The following NDST4 variants were observed in gnomAD, a reference collection of about 807,000 sequenced individuals.
NDST4 encodes the protein N-deacetylase and N-sulfotransferase 4.
NDST4 carries 63 observed loss-of-function variants against 100.8 expected under a neutral mutation model. The ratio of observed to expected loss-of-function variants is 0.62; its 90% CI spans 0.51 to 0.77. The LOEUF (loss-of-function observed/expected upper bound fraction) is 0.77, where lower values mean the gene tolerates loss of function less well. NDST4 is among the 30% of genes least tolerant of loss of function. The probability of loss-of-function intolerance (pLI) is 0.00; values close to 1 mark genes in which losing one functional copy is unlikely to be tolerated. For synonymous variants in NDST4, 377 were observed against 361.8 expected, an observed-to-expected ratio of 1.04 and a Z score of -0.48; for missense variants, 943 against 1,018.4, an observed-to-expected ratio of 0.93 and a Z score of 1.01.
intron 2 of NDST4, among the ~76,000 whole-genome samples, chr4:115,063,644 A>C (rs1038085600): frequency 5.3e-5 from 8 of 151,506 alleles, no homozygotes; most frequent in African/African-American, 2.0e-4. Context: ...AATCTGAGCC[A>C]ATTAATTGTC....
intron 2 of NDST4, among the ~76,000 whole-genome samples, chr4:115,000,259 A>ATTT (rs1472224223): frequency 1.6e-4 from 24 of 151,794 alleles, no homozygotes; most frequent in Admixed American, 5.3e-4. Flanking sequence ...GGTAAAGTTA[A>ATTT]ATGACATAAA....
At chr4:115,063,566 T>A (rs746582932) in intron 2 of NDST4, among the ~76,000 whole-genome samples, 11 of 151,788 alleles carry the variant, frequency 7.2e-5, no homozygotes, top group Non-Finnish European at 1.6e-4. Flanking sequence ...ATATGAAACC[T>A]TTTTGTGGTA....
intron 6 of NDST4, among the ~76,000 whole-genome samples, chr4:114,878,578 T>A (rs6838296): frequency 0.086 from 13,046 of 152,172 alleles, 1,638 homozygotes; most frequent in African/African-American, 0.27. Context: ...ACATGAAATT[T>A]GAAATTAGAA....
intron 6 of NDST4, among the ~76,000 whole-genome samples, chr4:114,899,660 T>C (rs959370066): frequency 6.6e-6 from 1 of 152,210 alleles, no homozygotes; most frequent in Non-Finnish European, 1.5e-5. Flanking sequence ...TTTCCAATGA[T>C]GAGCCAGCAT....
chr4:115,069,314 G>A (rs1297053384), intron 2 of NDST4, among the ~76,000 whole-genome samples: 1 of 152,114 alleles, frequency 6.6e-6, no homozygotes, highest in African/African-American at 2.4e-5. Context: ...ACTTGAGCTG[G>A]CTCACAAAGA....
chr4:115,033,171 T>TG (rs1728159545), intron 2 of NDST4, among the ~76,000 whole-genome samples: 1 of 138,014 alleles, frequency 7.2e-6, no homozygotes. Context: ...TTTTTTTTTT[T>TG]GAAACAGGGT....
chr4:115,023,541 A>G (rs533617857), intron 2 of NDST4, among the ~76,000 whole-genome samples: 2 of 152,094 alleles, frequency 1.3e-5, no homozygotes, highest in South Asian at 2.1e-4. Context: ...CTGTTCCCCA[A>G]TAACCTATGG....
intron 3 of NDST4, among the ~76,000 whole-genome samples, chr4:114,972,935 A>T (rs1300834979): frequency 6.6e-6 from 1 of 152,066 alleles, no homozygotes; most frequent in Non-Finnish European, 1.5e-5. Flanking sequence ...ATTTATAAAC[A>T]CCCTCAAAAA....
chr4:115,052,437 C>A (rs1409979626), intron 2 of NDST4, among the ~76,000 whole-genome samples: 3 of 152,102 alleles, frequency 2.0e-5, no homozygotes, highest in Non-Finnish European at 4.4e-5. Context: ...TGTGCTGCCA[C>A]CCAAATCTTA....
chr4:114,972,994 A>T (rs1726548356), intron 3 of NDST4, among the ~76,000 whole-genome samples: 3 of 152,000 alleles, frequency 2.0e-5, no homozygotes, highest in Admixed American at 2.0e-4. Context: ...TCATGGATTA[A>T]TTTTTGTCAG....
chr4:114,973,235 G>T (rs1726553980), intron 3 of NDST4, among the ~76,000 whole-genome samples: 1 of 151,886 alleles, frequency 6.6e-6, no homozygotes. Flanking sequence ...AATATCATTT[G>T]CAGTTTATAT....
intron 2 of NDST4, among the ~76,000 whole-genome samples, chr4:114,978,079 C>A (rs1726678109): frequency 6.6e-6 from 1 of 151,910 alleles, no homozygotes; most frequent in African/African-American, 2.4e-5. Context: ...CCCTTATATC[C>A]TTGGGCTTTT....
chr4:114,921,996 A>G (rs1289571342), intron 6 of NDST4, among the ~76,000 whole-genome samples: 1 of 147,960 alleles, frequency 6.8e-6, no homozygotes, highest in East Asian at 2.1e-4. Flanking sequence ...TGAAAGTGTT[A>G]CAGTCGGTAG....
intron 3 of NDST4, among the ~76,000 whole-genome samples, chr4:114,976,385 T>G (rs62315291): frequency 1.3e-5 from 2 of 151,966 alleles, no homozygotes; most frequent in Non-Finnish European, 2.9e-5. Flanking sequence ...AACACATAGT[T>G]TAGTACTCTT....
At chr4:114,875,031 A>T (rs1724228913) in intron 6 of NDST4, among the ~76,000 whole-genome samples, 1 of 152,176 alleles carries the variant, frequency 6.6e-6, no homozygotes, top group Non-Finnish European at 1.5e-5. Flanking sequence ...CATTGATTCA[A>T]ACAAGCAGAG....
At chr4:115,024,553 A>G (rs542299473) in intron 2 of NDST4, among the ~76,000 whole-genome samples, 1 of 151,922 alleles carries the variant, frequency 6.6e-6, no homozygotes, top group East Asian at 1.9e-4. Flanking sequence ...CCACCATTGT[A>G]TTTTGGAAGT....
intron 7 of NDST4, among the ~76,000 whole-genome samples, chr4:114,856,987 T>C (rs1011231357): frequency 1.3e-5 from 2 of 152,148 alleles, no homozygotes; most frequent in Non-Finnish European, 2.9e-5. Context: ...GTGATACAGA[T>C]AGCTTCAAGT....
chr4:114,951,756 C>T (rs1725994167), intron 4 of NDST4, among the ~76,000 whole-genome samples: 1 of 152,058 alleles, frequency 6.6e-6, no homozygotes, highest in African/African-American at 2.4e-5. Flanking sequence ...AAGCCAAATA[C>T]AAGGGTTTGA....
chr4:115,020,747 A>G (rs1727792173), intron 2 of NDST4, among the ~76,000 whole-genome samples: 2 of 152,184 alleles, frequency 1.3e-5, no homozygotes, highest in South Asian at 2.1e-4. Context: ...TAAAAAGTGG[A>G]CTAAGGACAT....
Sources: allele counts gnomAD v4.1 joint callset (sites outside exome capture counted in the v4.1 genomes callset), GRCh38; gene constraint gnomAD v4.1.1; transcripts MANE v1.5; gene names NCBI Gene and HGNC (gene_info 2026-07-23, HGNC 2026-07-21).